Variants in KLF17 observed in about 807,000 individuals in gnomAD.
KLF17 encodes Krueppel-like factor 17.
Under a neutral mutation model 34.2 loss-of-function variants are expected in KLF17, and 31 were observed. The ratio of observed to expected loss-of-function variants is 0.91; its 90% confidence interval spans 0.68 to 1.22. The LOEUF (loss-of-function observed/expected upper bound fraction) is 1.22. Among genes scored for constraint, KLF17 ranks in the 50% most tolerant of loss-of-function variants. The probability of loss-of-function intolerance (pLI) is 0.00; values close to 1 mark genes in which losing one functional copy is unlikely to be tolerated. For missense variants in KLF17, 478 were observed against 505.2 expected (o/e 0.95, Z 0.52); for synonymous variants, 179 against 186.7 (o/e 0.96, Z 0.34).
upstream of KLF17, chr1:44,116,984 G>C (rs1032039135): frequency 1.2e-4 from 19 of 152,166 alleles, no homozygotes; most frequent in Admixed American, 1.0e-3. Context: ...CAAGTGGCAC[G>C]ATCATCATGC....
chr1:44,085,509 G>T, the KLF17 span, among the ~76,000 whole-genome samples: 1 of 152,058 alleles, frequency 6.6e-6, no homozygotes, highest in Non-Finnish European at 1.5e-5. Flanking sequence ...TTAAGAAAGA[G>T]AAGTTGGACA....
chr1:44,112,582 T>C, the KLF17 span, among the ~76,000 whole-genome samples: 1 of 152,172 alleles, frequency 6.6e-6, no homozygotes, highest in South Asian at 2.1e-4. Flanking sequence ...TTTTATTGTT[T>C]ATTTTTGAAG....
At chr1:44,108,154 T>C in the KLF17 span, among the ~76,000 whole-genome samples, 2 of 152,204 alleles carry the variant, frequency 1.3e-5, no homozygotes, top group Non-Finnish European at 2.9e-5. Context: ...AGCTTCTTTC[T>C]TTCCCAAGAT....
At chr1:44,112,876 T>A in the KLF17 span, among the ~76,000 whole-genome samples, 2 of 152,128 alleles carry the variant, frequency 1.3e-5, no homozygotes, top group African/African-American at 4.8e-5. Context: ...TGACAAAGGG[T>A]TCCTAATTAT....
the KLF17 span, chr1:44,106,802 T>A: frequency 6.6e-6 from 1 of 152,190 alleles, no homozygotes; most frequent in Non-Finnish European, 1.5e-5. Flanking sequence ...AATGTATGGA[T>A]AACAGATCTC....
the KLF17 span, chr1:44,046,008 T>C: frequency 6.6e-6 from 1 of 152,130 alleles, no homozygotes; most frequent in Non-Finnish European, 1.5e-5. Context: ...TCTTGGTGTA[T>C]GTAGACGTTT....
chr1:44,113,852 G>C (rs1288467209), upstream of KLF17: 1 of 152,318 alleles, frequency 6.6e-6, no homozygotes, highest in African/African-American at 2.4e-5. Flanking sequence ...CAGACAGCGA[G>C]TTACAGCACT....
At chr1:44,095,822 A>G in the KLF17 span, among the ~76,000 whole-genome samples, 1 of 141,970 alleles carries the variant, frequency 7.0e-6, no homozygotes, top group Non-Finnish European at 1.5e-5. Flanking sequence ...TTTTTTTTTC[A>G]TATTGTTCAG....
At chr1:44,067,604 A>T in the KLF17 span, among the ~76,000 whole-genome samples, 1 of 152,346 alleles carries the variant, frequency 6.6e-6, no homozygotes, top group East Asian at 1.9e-4. Flanking sequence ...CATAAATTAT[A>T]CCACAGAATT....
intron 1 of KLF17, among the ~76,000 whole-genome samples, chr1:44,124,406 T>A (rs2154311526): frequency 6.6e-6 from 1 of 151,880 alleles, no homozygotes; most frequent in East Asian, 1.9e-4. Flanking sequence ...CTCAGCTGAC[T>A]GCAACCTCTA....
At chr1:44,110,488 C>T in the KLF17 span, 5 of 151,850 alleles carry the variant, frequency 3.3e-5, no homozygotes, top group Non-Finnish European at 7.4e-5. Context: ...GTCAGGGGTT[C>T]GAGACCAGCC....
the KLF17 span, chr1:44,103,425 G>GC: frequency 2.5e-6 from 2 of 785,414 alleles, no homozygotes; most frequent in African/African-American, 3.4e-5. Context: ...GAAGGAGCTG[G>GC]CGCCCATGCC....
intron 1 of KLF17, among the ~76,000 whole-genome samples, chr1:44,126,940 G>A (rs1334163129): frequency 6.6e-6 from 1 of 151,992 alleles, no homozygotes; most frequent in East Asian, 1.9e-4. Context: ...CTGTCACCCA[G>A]GCTGGACAGC....
the KLF17 span, among the ~76,000 whole-genome samples, chr1:44,096,557 C>A: frequency 6.6e-6 from 1 of 151,776 alleles, no homozygotes; most frequent in African/African-American, 2.4e-5. Context: ...CACCACCACG[C>A]CTGGCTAATT....
chr1:44,122,155 A>G, intron 1 of KLF17: 10 of 1,563,932 alleles, frequency 6.4e-6, no homozygotes, highest in Non-Finnish European at 8.8e-6. Flanking sequence ...GAGAGACATT[A>G]TCGCCTAGGA....
the KLF17 span, chr1:44,103,214 C>T: frequency 4.8e-6 from 3 of 631,014 alleles, no homozygotes; most frequent in East Asian, 5.6e-5. Flanking sequence ...AGGTGGGTCT[C>T]CCGTTCCCTG....
At chr1:44,075,547 C>T in the KLF17 span, among the ~76,000 whole-genome samples, 1 of 152,116 alleles carries the variant, frequency 6.6e-6, no homozygotes. Flanking sequence ...GTGTTTCTAA[C>T]ATAGTGTCAT....
the KLF17 span, among the ~76,000 whole-genome samples, chr1:44,071,817 C>T: frequency 6.6e-4 from 100 of 152,214 alleles, no homozygotes; most frequent in Non-Finnish European, 1.0e-3. Flanking sequence ...AGACTTCCCA[C>T]GTTCTGGTTC....
chr1:44,044,194 G>A, the KLF17 span, among the ~76,000 whole-genome samples: 1 of 152,250 alleles, frequency 6.6e-6, no homozygotes, highest in Non-Finnish European at 1.5e-5. Flanking sequence ...CTGGGAAGCT[G>A]TGGTTGTTGG....
Sources: gnomAD v4.1 joint callset for allele counts (sites outside exome capture counted in the v4.1 genomes callset) on GRCh38, gnomAD v4.1.1 for gene constraint, MANE v1.5 for transcripts, NCBI Gene and HGNC (gene_info 2026-07-23, HGNC 2026-07-21) for gene names.